Variants in SYNE2 observed in about 807,000 individuals in gnomAD.
SYNE2 encodes spectrin repeat containing nuclear envelope protein 2.
SYNE2 carries 431 observed loss-of-function variants against 856.3 expected under a neutral mutation model. The ratio of observed to expected loss-of-function variants is 0.50; its 90% CI spans 0.47 to 0.55. The LOEUF (loss-of-function observed/expected upper bound fraction) is 0.55, where lower values mean the gene tolerates loss of function less well. Ranked by LOEUF, SYNE2 falls within the 20% of genes least tolerant of loss-of-function variation. The pLI is 0.00. For missense variants in SYNE2, 8,129 were observed against 8,023.2 expected, an observed-to-expected ratio of 1.01 and a Z score of -0.50; for synonymous variants, 2,923 against 2,872.3, an observed-to-expected ratio of 1.02 and a Z score of -0.56.
At chr14:64,005,163 G>A (rs1035341937) in intron 30 of SYNE2, among the ~76,000 whole-genome samples, 2 of 152,208 alleles carry the variant, frequency 1.3e-5, no homozygotes, top group South Asian at 2.1e-4. Flanking sequence ...ACTTTGGCTT[G>A]TTCTTCAAGT....
chr14:64,208,768 G>A lies in SYNE2; in HGVS notation c.18212G>A (p.Arg6071Gln). 3.1e-6 allele frequency: 5 copies of A among 1,614,194 alleles called. No homozygotes were observed. Among genetic ancestry groups the A allele is most frequent in the East Asian group, 2.2e-5 (1 of 44,880 alleles). The part of the protein sequence containing the change: ...KRLAEQQDLQ[R>Q]DIEQHSAGVE... ...CTGTTGTAATCACAGGATCTACAGC[G>A]AGATATTGAACAACACAGCGCAGGG... The change falls in exon 101 of 116, where the codon CGA (arginine) becomes CAA (glutamine). Residue 6071 changes from arginine to glutamine, a missense_variant. Transcript: ENST00000555002.
intron 7 of SYNE2, among the ~76,000 whole-genome samples, chr14:63,950,338 G>C (rs1840929779): frequency 1.3e-5 from 2 of 152,116 alleles, no homozygotes; most frequent in African/African-American, 4.8e-5. Flanking sequence ...TAGATCACTT[G>C]AGGTCAGGAG....
intron 109 of SYNE2, 103 bp from the exon 110 acceptor site, chr14:64,219,105 T>A: frequency 8.2e-6 from 2 of 243,120 alleles, no homozygotes; most frequent in Non-Finnish European, 1.2e-5. Context: ...AGTTTTTTTG[T>A]TTTTTTTTTT....
At chr14:63,897,678 C>T (rs1410464601) in intron 1 of SYNE2, among the ~76,000 whole-genome samples, 1 of 152,162 alleles carries the variant, frequency 6.6e-6, no homozygotes, top group Admixed American at 6.5e-5. Context: ...CCTCAGTGGG[C>T]CTTCAGCTGC....
intron 45 of SYNE2, among the ~76,000 whole-genome samples, chr14:64,045,509 T>C (rs75772298): frequency 0.02 from 3,107 of 152,200 alleles, 101 homozygotes; most frequent in African/African-American, 0.07. Flanking sequence ...ATCTAGCTCA[T>C]AGGACTGGCT....
At chr14:64,191,737 T>C (rs1410968142) in intron 99 of SYNE2, among the ~76,000 whole-genome samples, 1 of 152,156 alleles carries the variant, frequency 6.6e-6, no homozygotes, top group African/African-American at 2.4e-5. Context: ...CAACATAGAC[T>C]GGCCCAAATT....
intron 1 of SYNE2, among the ~76,000 whole-genome samples, chr14:63,890,766 C>T (rs1025801285): frequency 2.6e-5 from 4 of 152,208 alleles, no homozygotes; most frequent in Non-Finnish European, 5.9e-5. Flanking sequence ...TAGGTCCTGT[C>T]TGCCTTAATG....
At position 63,919,288 on chromosome 14, in the gene SYNE2, A is replaced by C. The variant is rs151175699; in HGVS notation, c.79+10061A>C. Among the ~76,000 whole-genome samples, 1,022 of 152,342 alleles carry C rather than the reference A, an allele frequency of 6.7e-3. 19 individuals carry two copies. The highest frequency in any genetic ancestry group is 0.023 in the African/African-American group (968 of 41,576). ...AAAGGCTGTGCAGAAGATTTAAGTGAGTTTATATCATAGAGCTTGGGTGAC... is the reference window on the plus strand; with the variant it reads ...AAAGGCTGTGCAGAAGATTTAAGTGCGTTTATATCATAGAGCTTGGGTGAC... On this transcript the variant is annotated intron_variant, in intron 2 of 115. Coordinates refer to ENST00000555002, the MANE Select transcript of SYNE2 (RefSeq NM_182914.3).
intron 7 of SYNE2, 55 bp downstream of exon 7, chr14:63,950,061 A>G (rs1413345182): frequency 6.5e-7 from 1 of 1,549,206 alleles, no homozygotes; most frequent in Non-Finnish European, 8.9e-7. Context: ...ATCAACCAAC[A>G]CCACCTCACC....
chr14:64,036,292 G>C (rs902218767), intron 45 of SYNE2, among the ~76,000 whole-genome samples: 1 of 150,534 alleles, frequency 6.6e-6, no homozygotes, highest in Admixed American at 6.6e-5. Flanking sequence ...CGTTCTTTTT[G>C]TTTGTTTGTT....
intron 84 of SYNE2, among the ~76,000 whole-genome samples, chr14:64,147,540 C>T (rs779477255): frequency 8.5e-5 from 13 of 152,220 alleles, no homozygotes; most frequent in Non-Finnish European, 1.8e-4. Flanking sequence ...ATGGTAGCCA[C>T]GGAACAAGGT....
rs1036574346 is a variant in SYNE2 at position 64,018,253 on chromosome 14, T to C, written c.5049+497T>C. ...TTACCAGACTTTTTCTTTTCTCTTT[T>C]TTTTGAGGCAGAGTCTCGTTCTGTC... On this transcript the variant is annotated intron_variant, in intron 34 of 115. Coordinates refer to ENST00000555002, the MANE Select transcript of SYNE2 (RefSeq NM_182914.3). Among the ~76,000 whole-genome samples, 3 of 152,102 alleles carry C rather than the reference T, an allele frequency of 2.0e-5. No individual in the cohort carries two copies. The South Asian group carries it at 6.2e-4, about 32-fold the overall frequency.
chr14:63,991,240 G>A (rs914440792), intron 21 of SYNE2, 125 bp downstream of exon 21: 1 of 1,013,286 alleles, frequency 9.9e-7, no homozygotes, highest in Non-Finnish European at 1.5e-6. Context: ...GAATTTCCCA[G>A]TATTCTATAT....
In SYNE2 at chr14:64,201,202, C is replaced by T. The variant is rs1152599; in HGVS notation, c.18039-1599C>T. On this transcript the variant is annotated intron_variant, in intron 99 of 115. Transcript: ENST00000555002. ...GGTCTGCTTGCCTCTGGAGTTCCGG[C>T]CCTCACCTCACCCGATGCTACCACT... Among the ~76,000 whole-genome samples the T allele has an allele frequency of 1.3e-3, 205 of 152,256 alleles. 2 individuals carry two copies. In the East Asian group the frequency reaches 0.038, roughly 28 times the overall value.
chr14:64,019,911 A>G, intron 34 of SYNE2, 81 bp from the exon 35 acceptor site: 1 of 930,312 alleles, frequency 1.1e-6, no homozygotes, highest in Non-Finnish European at 1.7e-6. Flanking sequence ...CAGTTTCTAT[A>G]TATAAACAGT....
intron 87 of SYNE2, among the ~76,000 whole-genome samples, chr14:64,161,402 T>G (rs957696986): frequency 6.6e-6 from 1 of 151,936 alleles, no homozygotes; most frequent in African/African-American, 2.4e-5. Flanking sequence ...TATGGAATAA[T>G]AAAACAATTT....
chr14:64,172,961 A>C (rs551139330), intron 94 of SYNE2, among the ~76,000 whole-genome samples: 3 of 152,120 alleles, frequency 2.0e-5, no homozygotes, highest in Non-Finnish European at 4.4e-5. Flanking sequence ...TATCTTTGGA[A>C]TTTCAGTGAT....
intron 99 of SYNE2, among the ~76,000 whole-genome samples, chr14:64,195,479 C>T (rs531904807): frequency 6.6e-6 from 1 of 152,310 alleles, no homozygotes; most frequent in African/African-American, 2.4e-5. Context: ...AGATTAGCTC[C>T]TTCCTGTTTA....
intron 1 of SYNE2, among the ~76,000 whole-genome samples, chr14:63,833,447 C>A (rs1427321481): frequency 6.6e-6 from 1 of 152,080 alleles, no homozygotes; most frequent in Non-Finnish European, 1.5e-5. Flanking sequence ...AAAAAACATA[C>A]ATATAAGTGA....
Sources: allele counts gnomAD v4.1 joint callset (sites outside exome capture counted in the v4.1 genomes callset), GRCh38; gene constraint gnomAD v4.1.1; transcripts MANE v1.5; gene names NCBI Gene and HGNC (gene_info 2026-07-23, HGNC 2026-07-21).